Variants in SLC9A4 observed in about 807,000 individuals in gnomAD.
SLC9A4 encodes sodium/hydrogen exchanger 4.
A neutral mutation model predicts 67.4 loss-of-function variants in SLC9A4; 63 were observed. The observed-to-expected ratio is 0.93, with a 90% CI of 0.76 to 1.15. The LOEUF is 1.15. Ranked by LOEUF, SLC9A4 falls within the 50% of genes most tolerant of loss-of-function variation. The pLI is 0.00. For synonymous variants in SLC9A4, 393 were observed against 367.2 expected (o/e 1.07, Z -0.80); for missense variants, 1,089 against 987.7 (o/e 1.10, Z -1.38).
chr2:102,502,341 G>T (rs1482881105), intron 2 of SLC9A4, among the ~76,000 whole-genome samples: 11 of 152,176 alleles, frequency 7.2e-5, no homozygotes, highest in African/African-American at 2.7e-4. Flanking sequence ...AATTCAGAGT[G>T]TGTGTCACAT....
chr2:102,484,971 G>A (rs1362624034), intron 2 of SLC9A4, among the ~76,000 whole-genome samples: 1 of 152,174 alleles, frequency 6.6e-6, no homozygotes, highest in Non-Finnish European at 1.5e-5. Context: ...GAGGGGAAGT[G>A]GAGCTAAATG....
At chr2:102,523,126 A>C (rs868723319) in intron 9 of SLC9A4, among the ~76,000 whole-genome samples, 8 of 106,210 alleles carry the variant, frequency 7.5e-5, no homozygotes, top group South Asian at 3.0e-4. Context: ...ACACCACCAC[A>C]CCCAGCATTT....
chr2:102,529,154 G>A (rs1674728873), intron 11 of SLC9A4, among the ~76,000 whole-genome samples: 1 of 152,214 alleles, frequency 6.6e-6, no homozygotes, highest in Admixed American at 6.5e-5. Context: ...GATGTTCTTG[G>A]AAAGAAAGAC....
rs181680609 is a variant in SLC9A4, at chr2:102,485,177, G to A, written c.720+5875G>A. Among the ~76,000 whole-genome samples the A allele has an allele frequency of 1.6e-4, 25 of 152,244 alleles. No homozygotes were observed. In the East Asian group the frequency reaches 2.9e-3, roughly 18 times the overall value. On this transcript the variant is annotated intron_variant, in intron 2 of 11. Coordinates refer to ENST00000295269, the MANE Select transcript of SLC9A4 (RefSeq NM_001011552.4). The stretch of plus-strand genomic sequence containing the variant: ...GGCCTCTTGGGTGACTTAGCAGATC[G>A]CCATGTGCCTAAGTTTCTTCACTGT...
intron 8 of SLC9A4, among the ~76,000 whole-genome samples, chr2:102,515,415 G>C (rs1217190085): frequency 1.0e-3 from 154 of 148,382 alleles, no homozygotes; most frequent in African/African-American, 2.9e-3. Context: ...GATAATCCCT[G>C]AGGATATCTC....
chr2:102,478,647 C>T (rs555976907), intron 1 of SLC9A4, among the ~76,000 whole-genome samples, 192 bp from the exon 2 acceptor site: 9 of 152,254 alleles, frequency 5.9e-5, no homozygotes, highest in African/African-American at 1.7e-4. Flanking sequence ...TGACCTGCGC[C>T]GAGCTGGGCA....
chr2:102,485,139 T>C (rs1445824455), intron 2 of SLC9A4, among the ~76,000 whole-genome samples: 2 of 152,194 alleles, frequency 1.3e-5, no homozygotes, highest in East Asian at 1.9e-4. Flanking sequence ...TACTGACCCT[T>C]CTCGGTCCTT....
chr2:102,514,836 G>A (rs1048014868), intron 8 of SLC9A4, among the ~76,000 whole-genome samples: 1 of 152,182 alleles, frequency 6.6e-6, no homozygotes, highest in Admixed American at 6.5e-5. Flanking sequence ...TAGAAGCAGG[G>A]AGTTGCCTGG....
chr2:102,497,341 C>T (rs988862838), intron 2 of SLC9A4, among the ~76,000 whole-genome samples: 4 of 152,172 alleles, frequency 2.6e-5, no homozygotes, highest in Non-Finnish European at 4.4e-5. Flanking sequence ...GAAATGACAA[C>T]ATAGGTCTAC....
chr2:102,524,888 C>A (rs1210035629), intron 9 of SLC9A4, 136 bp from the exon 10 acceptor site: 4 of 1,021,824 alleles, frequency 3.9e-6, no homozygotes, highest in Non-Finnish European at 5.8e-6. Flanking sequence ...CATTCGTAAT[C>A]AAGGCAAATG....
rs192432747 is a variant in SLC9A4 at position 102,523,218 on chromosome 2, C to T, written c.1819-1806C>T. Among the ~76,000 whole-genome samples the T allele has an allele frequency of 2.0e-5, 3 of 152,122 alleles. No homozygotes were observed. In the East Asian group the frequency reaches 5.8e-4, roughly 29 times the overall value. Reference sequence around the variant, plus strand: ...TCAAACTCCTGGGCTCAGTGATCCACTTGTCTTGGCCTCCTGAAGTGCTAG... The same window carrying T: ...TCAAACTCCTGGGCTCAGTGATCCATTTGTCTTGGCCTCCTGAAGTGCTAG... On this transcript the variant is annotated intron_variant, in intron 9 of 11. Transcript: ENST00000295269.
At chr2:102,505,980 A>G (rs1685042518) in intron 4 of SLC9A4, among the ~76,000 whole-genome samples, 1 of 152,228 alleles carries the variant, frequency 6.6e-6, no homozygotes, top group African/African-American at 2.4e-5. Context: ...AAATACTGAT[A>G]GAAAACATCC....
At chr2:102,498,038 G>A (rs1467446587) in intron 2 of SLC9A4, among the ~76,000 whole-genome samples, 9 of 152,160 alleles carry the variant, frequency 5.9e-5, no homozygotes, top group African/African-American at 1.9e-4. Flanking sequence ...AAAAAGGACC[G>A]TTTGCTGAGA....
chr2:102,480,995 G>A (rs1277790049), intron 2 of SLC9A4, among the ~76,000 whole-genome samples: 2 of 152,180 alleles, frequency 1.3e-5, no homozygotes, highest in African/African-American at 4.8e-5. Context: ...AGATGATTGA[G>A]TTGTTGGAAT....
intron 7 of SLC9A4, 122 bp from the exon 8 acceptor site, chr2:102,513,968 A>G (rs1169978955): frequency 7.6e-7 from 1 of 1,312,612 alleles, no homozygotes; most frequent in Non-Finnish European, 1.0e-6. Context: ...AATTCCAGGC[A>G]CTGTCCTGAT....
chr2:102,482,406 T>A (rs774899749), intron 2 of SLC9A4, among the ~76,000 whole-genome samples: 8 of 152,216 alleles, frequency 5.3e-5, no homozygotes, highest in Non-Finnish European at 1.0e-4. Context: ...TATAAAATGA[T>A]GATACGCCTA....
chr2:102,516,852 A>G (rs1029087992), intron 8 of SLC9A4, among the ~76,000 whole-genome samples: 36 of 152,294 alleles, frequency 2.4e-4, no homozygotes, highest in African/African-American at 8.2e-4. Flanking sequence ...ACATTTTTTA[A>G]TTAAAGTGAT....
intron 2 of SLC9A4, among the ~76,000 whole-genome samples, chr2:102,491,694 T>C (rs116709907): frequency 6.6e-6 from 1 of 152,262 alleles, no homozygotes; most frequent in African/African-American, 2.4e-5. Context: ...CCAAATCATA[T>C]TGTTTTACCG....
intron 2 of SLC9A4, among the ~76,000 whole-genome samples, chr2:102,484,677 C>T (rs1408576490): frequency 6.6e-6 from 1 of 152,140 alleles, no homozygotes; most frequent in East Asian, 1.9e-4. Flanking sequence ...TTATAATCTG[C>T]CTTCGTTTTC....
Sources: gnomAD v4.1 joint callset for allele counts (sites outside exome capture counted in the v4.1 genomes callset) on GRCh38, gnomAD v4.1.1 for gene constraint, MANE v1.5 for transcripts, NCBI Gene and HGNC (gene_info 2026-07-23, HGNC 2026-07-21) for gene names.